SRSF12: variants seen among roughly 807,000 people sequenced by gnomAD.
The protein encoded by SRSF12 is serine and arginine rich splicing factor 12.
In SRSF12, 21 loss-of-function variants were observed where a neutral mutation model predicts 34.1. That is an observed-to-expected ratio of 0.62 (90% CI 0.44 to 0.89). The LOEUF (loss-of-function observed/expected upper bound fraction) is 0.89. Among genes scored for constraint, SRSF12 ranks in the 40% least tolerant of loss-of-function variants. The probability of loss-of-function intolerance (pLI) is 0.00; values close to 1 mark genes in which losing one functional copy is unlikely to be tolerated. For missense variants in SRSF12, 278 were observed against 327.8 expected (o/e 0.85, Z 1.17); for synonymous variants, 111 against 110.8 (o/e 1.00, Z -0.01).
At chr6:89,100,620 G>A (rs1450963879) in intron 4 of SRSF12, among the ~76,000 whole-genome samples, 1 of 150,676 alleles carries the variant, frequency 6.6e-6, no homozygotes, top group Admixed American at 6.6e-5. Context: ...TCATCAAACA[G>A]GAATTTAAAA....
intron 4 of SRSF12, among the ~76,000 whole-genome samples, chr6:89,099,302 AAAAAT>A (rs1768399242): frequency 6.6e-6 from 1 of 151,688 alleles, no homozygotes; most frequent in Admixed American, 6.6e-5. Context: ...TAATGCTTAT[AAAAAT>A]AAAAATCTAG....
At chr6:89,103,345 T>C (rs916552198) in intron 4 of SRSF12, among the ~76,000 whole-genome samples, 6 of 151,956 alleles carry the variant, frequency 3.9e-5, no homozygotes, top group African/African-American at 1.5e-4. Flanking sequence ...TTTTTTTTTT[T>C]TGAGACAGAG....
chr6:89,097,325 A>G lies in SRSF12; in HGVS notation c.*1253T>C, dbSNP rs1434843438. On this transcript the variant is annotated 3_prime_UTR_variant, in exon 5 of 5. Coordinates refer to ENST00000452027, the MANE Select transcript of SRSF12 (RefSeq NM_080743.5). The stretch of plus-strand genomic sequence containing the variant: ...TAATAATCATATGCAAAACCATTCT[A>G]TCACAAACACTACCAAAACCCTTTG... 1 of 152,204 alleles carries G rather than the reference A, an allele frequency of 6.6e-6. No individual in the cohort carries two copies. The highest frequency in any genetic ancestry group is 6.5e-5 in the Admixed American group (1 of 15,268). The allele number at this position is 152,204 out of a possible 1,614,324, so 9.4% of individuals were successfully genotyped here. A position where few individuals can be genotyped will look rare whatever the true frequency, so the allele number is the denominator to read the frequency against.
chr6:89,112,392 AAAGT>A (rs1562207283), intron 1 of SRSF12, among the ~76,000 whole-genome samples: 1 of 151,944 alleles, frequency 6.6e-6, no homozygotes, highest in Non-Finnish European at 1.5e-5. Context: ...AGGAAGAAGA[AAAGT>A]AAGTCCTACT....
At position 89,107,067 on chromosome 6, in the gene SRSF12, A is replaced by C. The variant is rs777284287; in HGVS notation, c.170+87T>G. ...TAAACACATTTAATTAGGCAATATT[A>C]ATCTCATAACATATGCTACTGAATA... On this transcript the variant is annotated intron_variant, in intron 2 of 4. Transcript: ENST00000452027. 4 of 1,219,760 alleles carry C rather than the reference A, an allele frequency of 3.3e-6. No individual in the cohort carries two copies. In the African/African-American group the frequency reaches 4.5e-5, roughly 14 times the overall value. 75.6% of individuals were successfully genotyped at this position (1,219,760 alleles called of 1,614,324 possible).
chr6:89,101,205 C>G (rs1055478927), intron 4 of SRSF12, among the ~76,000 whole-genome samples: 1 of 151,696 alleles, frequency 6.6e-6, no homozygotes, highest in Non-Finnish European at 1.5e-5. Context: ...TTTAAGAAAT[C>G]CCTAAAAGAA....
chr6:89,117,040 C>A (rs1026473090), intron 1 of SRSF12, among the ~76,000 whole-genome samples: 1 of 152,016 alleles, frequency 6.6e-6, no homozygotes, highest in African/African-American at 2.4e-5. Flanking sequence ...CCTCTCCCCC[C>A]GCCCCCAATT....
At chr6:89,112,451 T>C (rs937913179) in intron 1 of SRSF12, among the ~76,000 whole-genome samples, 16 of 149,996 alleles carry the variant, frequency 1.1e-4, no homozygotes, top group South Asian at 2.1e-4. Context: ...TTCTTTCTTT[T>C]TTTTTTTTTT....
At chr6:89,110,779 A>G (rs941748719) in intron 1 of SRSF12, among the ~76,000 whole-genome samples, 1 of 152,150 alleles carries the variant, frequency 6.6e-6, no homozygotes, top group Non-Finnish European at 1.5e-5. Context: ...CATGTTCTTC[A>G]GAGTGGCCCA....
At chr6:89,102,768 G>A (rs2127991304) in intron 4 of SRSF12, among the ~76,000 whole-genome samples, 1 of 149,438 alleles carries the variant, frequency 6.7e-6, no homozygotes, top group Non-Finnish European at 1.5e-5. Context: ...TTTATTTGTT[G>A]TGAGACAGAG....
intron 1 of SRSF12, among the ~76,000 whole-genome samples, chr6:89,107,555 C>T (rs2127993579): frequency 6.6e-6 from 1 of 152,114 alleles, no homozygotes; most frequent in South Asian, 2.1e-4. Flanking sequence ...CATGGTGAAA[C>T]CCCGTCTCTA....
At chr6:89,110,228 G>T (rs533787085) in intron 1 of SRSF12, among the ~76,000 whole-genome samples, 1 of 152,246 alleles carries the variant, frequency 6.6e-6, no homozygotes, top group East Asian at 1.9e-4. Context: ...TTTTAACAAA[G>T]AATTGGACAA....
Position 89,105,242 on chromosome 6 carries a change from G to T in SRSF12, c.293C>A (p.Ser98Ter). The T allele has an allele frequency of 6.2e-7, 1 of 1,610,608 alleles. No homozygotes were observed. Among genetic ancestry groups the T allele is most frequent in the South Asian group, 1.1e-5 (1 of 90,848 alleles). Residue 98 changes from serine to a stop codon, truncating the protein, a stop_gained, in exon 4 of 5, where the codon TCA (serine) becomes TAA (stop). Transcript: ENST00000452027. LOFTEE classifies it high-confidence loss of function. ...GDRKTPGQMKSKERHPCSPSD... is the reference protein window; with the variant it reads ...GDRKTPGQMK Reference sequence around the variant, plus strand: ...TGGAGAACAAGGATGACGTTCTTTTGATTTCATTTGGCCTGGTGCTGGAAC... The same window carrying T: ...TGGAGAACAAGGATGACGTTCTTTTTATTTCATTTGGCCTGGTGCTGGAAC...
At chr6:89,112,189 T>C (rs1769083974) in intron 1 of SRSF12, among the ~76,000 whole-genome samples, 1 of 152,064 alleles carries the variant, frequency 6.6e-6, no homozygotes, top group Non-Finnish European at 1.5e-5. Context: ...GTGCTGGAAT[T>C]ACAGGCATGA....
intron 1 of SRSF12, among the ~76,000 whole-genome samples, chr6:89,112,045 T>C (rs1266959039): frequency 1.3e-5 from 2 of 152,346 alleles, no homozygotes; most frequent in Middle Eastern, 3.4e-3. Flanking sequence ...CCTCACTCTG[T>C]TGCCCAGGCT....
At chr6:89,105,004 C>A (rs1218263127) in intron 4 of SRSF12, 115 bp downstream of exon 4, 13 of 1,030,828 alleles carry the variant, frequency 1.3e-5, no homozygotes, top group Non-Finnish European at 1.3e-6. Flanking sequence ...TACAGTGGGC[C>A]ATGATCGCAC....
chr6:89,099,552 T>TTTTA (rs1768441939), intron 4 of SRSF12, among the ~76,000 whole-genome samples: 1 of 150,402 alleles, frequency 6.6e-6, no homozygotes. Flanking sequence ...TTTTTTTTTT[T>TTTTA]GAGACGGAGT....
At position 89,103,885 on chromosome 6, in the gene SRSF12, A is replaced by G. The variant is rs566988562; in HGVS notation, c.416+1234T>C. The stretch of plus-strand genomic sequence containing the variant: ...AATTACTATTTAATATGTCTTCTTC[A>G]ATACTGCCATACTTGGAATTTATTC... On this transcript the variant is annotated intron_variant, in intron 4 of 4. Coordinates refer to ENST00000452027, the MANE Select transcript of SRSF12 (RefSeq NM_080743.5). 1.5e-4 allele frequency among the ~76,000 whole-genome samples: 23 copies of G among 152,294 alleles called. No individual in the cohort carries two copies. In the East Asian group the frequency reaches 4.4e-3, roughly 29 times the overall value.
intron 4 of SRSF12, among the ~76,000 whole-genome samples, chr6:89,100,965 C>T (rs1768511241): frequency 6.6e-6 from 1 of 151,994 alleles, no homozygotes; most frequent in Admixed American, 6.6e-5. Flanking sequence ...ATTAGCCTGG[C>T]ATGGTGGTGC....
Sources: allele counts gnomAD v4.1 joint callset (sites outside exome capture counted in the v4.1 genomes callset), GRCh38; gene constraint gnomAD v4.1.1; transcripts MANE v1.5; gene names NCBI Gene and HGNC (gene_info 2026-07-23, HGNC 2026-07-21).